FRMD6: variants seen among roughly 807,000 people sequenced by gnomAD.
FRMD6 encodes the protein FERM domain containing 6.
A neutral mutation model predicts 73.2 loss-of-function variants in FRMD6; 37 were observed. The observed-to-expected ratio is 0.51, with a 90% CI of 0.39 to 0.66. The LOEUF (loss-of-function observed/expected upper bound fraction) is 0.66. Ranked by LOEUF, FRMD6 falls within the 30% of genes least tolerant of loss-of-function variation. The pLI is 0.00. For missense variants in FRMD6, 714 were observed against 780.5 expected (o/e 0.91, Z 1.02); for synonymous variants, 273 against 282.2 (o/e 0.97, Z 0.33).
intron 2 of FRMD6, among the ~76,000 whole-genome samples, chr14:51,572,624 A>G (rs1888190655): frequency 6.6e-6 from 1 of 152,224 alleles, no homozygotes; most frequent in African/African-American, 2.4e-5. Flanking sequence ...TGAATTAGTG[A>G]TGTAGAAAAA....
At chr14:51,416,316 T>C in the FRMD6 span, among the ~76,000 whole-genome samples, 1 of 152,260 alleles carries the variant, frequency 6.6e-6, no homozygotes, top group Non-Finnish European at 1.5e-5. Context: ...CTCTACACAC[T>C]GCTTTAAATG....
chr14:51,495,897 T>G (rs962976119), intron 1 of FRMD6, among the ~76,000 whole-genome samples: 9 of 152,320 alleles, frequency 5.9e-5, no homozygotes, highest in African/African-American at 2.2e-4. Context: ...ATGTGAACTA[T>G]ATTTATTTAT....
At chr14:51,573,014 C>A (rs1361605642) in intron 2 of FRMD6, among the ~76,000 whole-genome samples, 2 of 152,158 alleles carry the variant, frequency 1.3e-5, no homozygotes, top group Non-Finnish European at 2.9e-5. Flanking sequence ...CCTCACCCTA[C>A]CCCCACACAC....
chr14:51,590,983 C>G (rs760013676), intron 2 of FRMD6, among the ~76,000 whole-genome samples: 9 of 152,216 alleles, frequency 5.9e-5, no homozygotes, highest in Non-Finnish European at 1.2e-4. Flanking sequence ...CTAATATCTT[C>G]CTCAACTGCA....
At chr14:51,676,181 G>A in intron 1 of FRMD6, among the ~76,000 whole-genome samples, 1 of 152,096 alleles carries the variant, frequency 6.6e-6, no homozygotes, top group Admixed American at 6.6e-5. Flanking sequence ...ATCTTGGCCA[G>A]CACATTCTCT....
intron 1 of FRMD6, among the ~76,000 whole-genome samples, chr14:51,524,793 T>A (rs1222911188): frequency 6.6e-6 from 1 of 152,092 alleles, no homozygotes; most frequent in African/African-American, 2.4e-5. Context: ...GTTGGCCACT[T>A]GTGATTGGCC....
At chr14:51,433,572 G>C in the FRMD6 span, among the ~76,000 whole-genome samples, 1 of 152,166 alleles carries the variant, frequency 6.6e-6, no homozygotes, top group Non-Finnish European at 1.5e-5. Flanking sequence ...TTCACTAACG[G>C]AACGTGTTGT....
chr14:51,674,125 G>A (rs1894214170), intron 1 of FRMD6, among the ~76,000 whole-genome samples: 1 of 152,054 alleles, frequency 6.6e-6, no homozygotes, highest in Non-Finnish European at 1.5e-5. Context: ...ATTGAAACTT[G>A]TACTGAAGGT....
intron 2 of FRMD6, among the ~76,000 whole-genome samples, chr14:51,618,913 T>G (rs1280278279): frequency 6.7e-6 from 1 of 149,212 alleles, no homozygotes; most frequent in East Asian, 1.9e-4. Context: ...ATATATTATT[T>G]CATATATAAT....
At chr14:51,701,784 CTCT>C (rs1026368859) in intron 4 of FRMD6, among the ~76,000 whole-genome samples, 112 of 151,658 alleles carry the variant, frequency 7.4e-4, no homozygotes, top group African/African-American at 2.5e-3. Context: ...AAATTATTTG[CTCT>C]TCTTTTTTGG....
rs540245010 is a variant in FRMD6, at chr14:51,502,935, G to A, written c.-210+13515G>A. 1.4e-4 allele frequency among the ~76,000 whole-genome samples: 22 copies of A among 152,154 alleles called. 1 individual carries two copies. In the South Asian group the frequency reaches 4.4e-3, roughly 30 times the overall value. On this transcript the variant is annotated intron_variant, in intron 1 of 14. Transcript: ENST00000356218. Reference sequence around the variant, plus strand: ...ACATCTCTTGTTAGCTGTATTCCTAGGTATTTTATTCTCTTTGTAGCAGTT... The same window carrying A: ...ACATCTCTTGTTAGCTGTATTCCTAAGTATTTTATTCTCTTTGTAGCAGTT...
intron 1 of FRMD6, among the ~76,000 whole-genome samples, chr14:51,525,070 A>ATAGATG (rs1885159400): frequency 9.8e-6 from 1 of 101,982 alleles, no homozygotes; most frequent in Non-Finnish European, 2.0e-5. Flanking sequence ...AGACAAATAG[A>ATAGATG]ATAGATAGAT....
intron 1 of FRMD6, among the ~76,000 whole-genome samples, chr14:51,542,539 C>T (rs1354688752): frequency 6.6e-6 from 1 of 152,040 alleles, no homozygotes; most frequent in African/African-American, 2.4e-5. Context: ...TGGCAATAGA[C>T]ATTTGGGTGT....
At chr14:51,496,917 C>A (rs980577384) in intron 1 of FRMD6, among the ~76,000 whole-genome samples, 6 of 152,304 alleles carry the variant, frequency 3.9e-5, no homozygotes, top group African/African-American at 1.4e-4. Flanking sequence ...CATGTAATTT[C>A]TCTTCATCCA....
the FRMD6 span, among the ~76,000 whole-genome samples, chr14:51,420,408 C>T: frequency 1.3e-5 from 2 of 152,132 alleles, no homozygotes; most frequent in African/African-American, 4.8e-5. Context: ...AGACTTATGA[C>T]TAGTAATGGC....
the FRMD6 span, among the ~76,000 whole-genome samples, chr14:51,426,837 G>T: frequency 6.6e-6 from 1 of 152,132 alleles, no homozygotes; most frequent in African/African-American, 2.4e-5. Context: ...CTCGCAGGCT[G>T]TTGTGAGGAA....
intron 2 of FRMD6, among the ~76,000 whole-genome samples, chr14:51,572,390 A>G (rs72673977): frequency 9.8e-5 from 15 of 152,380 alleles, no homozygotes; most frequent in South Asian, 2.1e-4. Context: ...CATAAATGCT[A>G]ATATGAATGA....
At chr14:51,623,143 A>G (rs1352259334) in intron 2 of FRMD6, among the ~76,000 whole-genome samples, 3 of 152,196 alleles carry the variant, frequency 2.0e-5, no homozygotes, top group African/African-American at 4.8e-5. Context: ...TTTAGAATCA[A>G]CTGGCCTCTG....
At chr14:51,566,962 G>A (rs1020083020) in intron 1 of FRMD6, among the ~76,000 whole-genome samples, 60 of 152,278 alleles carry the variant, frequency 3.9e-4, no homozygotes, top group African/African-American at 1.3e-3. Context: ...TGCACAGCAG[G>A]CATTGAAAAC....
Sources: gnomAD v4.1 joint callset for allele counts (sites outside exome capture counted in the v4.1 genomes callset) on GRCh38, gnomAD v4.1.1 for gene constraint, MANE v1.5 for transcripts, NCBI Gene and HGNC (gene_info 2026-07-23, HGNC 2026-07-21) for gene names.